CCDC141: variants seen among roughly 807,000 people sequenced by gnomAD.
CCDC141 encodes coiled-coil domain containing 141.
A neutral mutation model predicts 181.0 loss-of-function variants in CCDC141; 168 were observed. That is an observed-to-expected ratio of 0.93 (90% CI 0.82 to 1.05). The LOEUF is 1.05. Among genes scored for constraint, CCDC141 ranks in the 50% least tolerant of loss-of-function variants. CCDC141 has a pLI of 0.00. For synonymous variants in CCDC141, 666 were observed against 642.3 expected (o/e 1.04, Z -0.56); for missense variants, 1,902 against 1,788.5 (o/e 1.06, Z -1.14).
rs1360458507 is a variant in CCDC141, at chr2:178,837,540, G to C, written c.3679C>G (p.Leu1227Val). ...TCCACCTCCATGTCAGATGGTGCAA[G>C]AGGGGACTCAGGGCTTCCTGGGAGA... ...PPLPGSPESP[L>V]APSDMEVEEP... is the part of the protein sequence containing the mutation. Residue 1227 changes from leucine (L) to valine (V), a missense_variant, in exon 23 of 24, where the codon CTT becomes GTT. Leu to Val is a conservative substitution (Grantham distance 32). Coordinates refer to ENST00000443758, the MANE Select transcript of CCDC141 (RefSeq NM_173648.4). The C allele has an allele frequency of 6.2e-7, 1 of 1,613,940 alleles. No homozygotes were observed. The highest frequency in any genetic ancestry group is 1.1e-5 in the South Asian group (1 of 91,066).
In CCDC141 at chr2:178,853,489, G is replaced by A. The variant is rs1348241007; in HGVS notation, c.3196C>T (p.Gln1066Ter). Residue 1066 changes from glutamine (Q) to a stop codon, truncating the protein, a stop_gained, in exon 20 of 24, where the codon CAA becomes TAA. Coordinates refer to ENST00000443758, the MANE Select transcript of CCDC141 (RefSeq NM_173648.4). LOFTEE classifies it high-confidence loss of function. ...GTGGCCTCCTGAATCCTTTCTTCTTGCTGCGGCACTGAGGGTGCAATAAAC... is the reference window on the plus strand; with the variant it reads ...GTGGCCTCCTGAATCCTTTCTTCTTACTGCGGCACTGAGGGTGCAATAAAC... ...NKFIAPSVPQ[Q>*]EERIQEATDL... is the part of the protein sequence containing the mutation. The A allele has an allele frequency of 6.2e-7, 1 of 1,614,098 alleles. No individual in the cohort carries two copies.
intron 3 of CCDC141, among the ~76,000 whole-genome samples, chr2:178,977,085 T>G (rs752298722): frequency 2.0e-5 from 3 of 152,190 alleles, no homozygotes; most frequent in Non-Finnish European, 2.9e-5. Flanking sequence ...CAGTTTAGTA[T>G]GAAGTGATCC....
chr2:178,885,174 C>G, intron 10 of CCDC141, 82 bp from the exon 11 acceptor site: 2 of 850,318 alleles, frequency 2.4e-6, no homozygotes, highest in East Asian at 5.6e-5. Flanking sequence ...GCATATCCAC[C>G]AATTATGATC....
rs780842918 is a variant in CCDC141 at position 178,837,718 on chromosome 2, C to A, written c.3501G>T (p.Leu1167Phe). The part of the protein sequence containing the change: ...NKGQVQVADL[L>F]GINGTGEERL... ...GCTCTTCCCCTGTTCCATTGATGCC[C>A]AAAAGATCTGCCACCTGCACCTGCC... The change falls in exon 23 of 24, where the codon TTG becomes TTT. Residue 1167 changes from leucine to phenylalanine, a missense_variant. Transcript: ENST00000443758. 4.3e-6 allele frequency: 7 copies of A among 1,612,022 alleles called. No individual in the cohort carries two copies. In the South Asian group the frequency reaches 7.7e-5, roughly 18 times the overall value.
intron 11 of CCDC141, among the ~76,000 whole-genome samples, chr2:178,884,681 T>A (rs1429821756): frequency 6.6e-6 from 1 of 152,186 alleles, no homozygotes; most frequent in Non-Finnish European, 1.5e-5. Flanking sequence ...ATTTTAATTT[T>A]TTCCCAGGCA....
intron 8 of CCDC141, among the ~76,000 whole-genome samples, chr2:178,890,606 C>A (rs1223362645): frequency 6.6e-6 from 1 of 152,032 alleles, no homozygotes; most frequent in East Asian, 1.9e-4. Flanking sequence ...GAACTCAGAC[C>A]CACTCTCTGA....
intron 17 of CCDC141, among the ~76,000 whole-genome samples, chr2:178,858,556 G>A (rs1040338855): frequency 6.6e-6 from 1 of 152,088 alleles, no homozygotes; most frequent in African/African-American, 2.4e-5. Flanking sequence ...CAGATGGATG[G>A]TAGTGATGGG....
At chr2:178,863,780 G>A (rs899130835) in intron 17 of CCDC141, among the ~76,000 whole-genome samples, 1 of 152,212 alleles carries the variant, frequency 6.6e-6, no homozygotes, top group Admixed American at 6.5e-5. Flanking sequence ...AAGATTAACT[G>A]GATCAGTAGT....
chr2:178,990,266 AC>A (rs1691986422), intron 2 of CCDC141, among the ~76,000 whole-genome samples: 2 of 149,284 alleles, frequency 1.3e-5, no homozygotes, highest in South Asian at 4.3e-4. Context: ...AAAAAAAAAA[AC>A]ATGTTGGCAT....
intron 4 of CCDC141, among the ~76,000 whole-genome samples, chr2:178,965,967 T>A (rs917811327): frequency 3.0e-4 from 46 of 152,084 alleles, no homozygotes; most frequent in Admixed American, 1.8e-3. Flanking sequence ...GAGGCTTGAG[T>A]AGGCAGTTTT....
intron 2 of CCDC141, among the ~76,000 whole-genome samples, chr2:179,044,414 GA>G (rs1373549626): frequency 6.6e-6 from 1 of 152,160 alleles, no homozygotes; most frequent in Non-Finnish European, 1.5e-5. Context: ...TATACTACAG[GA>G]AAACCCTTTT....
chr2:178,948,825 G>A (rs1335581402), intron 5 of CCDC141, among the ~76,000 whole-genome samples: 2 of 152,086 alleles, frequency 1.3e-5, no homozygotes, highest in Admixed American at 1.3e-4. Flanking sequence ...TTCCGCCATG[G>A]GTGAAAGCAG....
chr2:178,936,228 G>C (rs1196300641), intron 6 of CCDC141, among the ~76,000 whole-genome samples: 1 of 151,940 alleles, frequency 6.6e-6, no homozygotes. Flanking sequence ...TATAGTTTTG[G>C]GTTTTACATT....
chr2:178,998,989 T>C (rs546466289), intron 2 of CCDC141, among the ~76,000 whole-genome samples: 4 of 152,274 alleles, frequency 2.6e-5, no homozygotes, highest in South Asian at 4.2e-4. Context: ...GTCGTGAACA[T>C]TGATTGGATT....
chr2:178,903,963 C>T (rs34438177), intron 8 of CCDC141, among the ~76,000 whole-genome samples: 41,789 of 151,828 alleles, frequency 0.28, 7,589 homozygotes, highest in Non-Finnish European at 0.41. Context: ...AATCAATGTC[C>T]GACATGTACC....
intron 21 of CCDC141, among the ~76,000 whole-genome samples, chr2:178,849,159 G>T (rs959007125): frequency 6.6e-6 from 1 of 152,136 alleles, no homozygotes; most frequent in Non-Finnish European, 1.5e-5. Flanking sequence ...GAAAAAAGAG[G>T]CTGCTAGAAA....
intron 5 of CCDC141, among the ~76,000 whole-genome samples, chr2:178,945,281 T>C (rs950770828): frequency 2.6e-5 from 4 of 152,162 alleles, no homozygotes; most frequent in Non-Finnish European, 4.4e-5. Context: ...GGATGCAGAT[T>C]CCTTATCTCA....
intron 7 of CCDC141, among the ~76,000 whole-genome samples, chr2:178,918,456 CA>C (rs1246133850): frequency 6.6e-6 from 1 of 151,996 alleles, no homozygotes; most frequent in Non-Finnish European, 1.5e-5. Context: ...CCAAACAAAA[CA>C]AAAAGACAAA....
At position 178,869,194 on chromosome 2, in the gene CCDC141, G is replaced by C. The variant is rs1389515938; in HGVS notation, c.2317C>G (p.Gln773Glu). Residue 773 changes from glutamine (Q) to glutamate (E), a missense_variant, in exon 15 of 24, where the codon CAA becomes GAA. Gln to Glu is a conservative substitution (Grantham distance 29). Transcript: ENST00000443758. ...QQLKDLIHFHQKQKERIQDYE... is the reference protein window; with the variant it reads ...QQLKDLIHFHEKQKERIQDYE... ...TCCTGGATTCTCTCTTTCTGTTTTT[G>C]ATGGAAGTGAATAAGGTCCTTCAGT... 6.2e-7 allele frequency: 1 copy of C among 1,613,436 alleles called. No individual in the cohort carries two copies. The highest frequency in any genetic ancestry group is 8.5e-7 in the Non-Finnish European group (1 of 1,179,714).
Sources: allele counts gnomAD v4.1 joint callset (sites outside exome capture counted in the v4.1 genomes callset), GRCh38; gene constraint gnomAD v4.1.1; transcripts MANE v1.5; gene names NCBI Gene and HGNC (gene_info 2026-07-23, HGNC 2026-07-21).